Variants in CNN2 observed in about 807,000 individuals in gnomAD.
The protein encoded by CNN2 is calponin 2.
In CNN2, 21 loss-of-function variants were observed where a neutral mutation model predicts 31.0. The observed-to-expected ratio is 0.68, with a 90% CI of 0.48 to 0.98. The LOEUF (loss-of-function observed/expected upper bound fraction) is 0.98. Among genes scored for constraint, CNN2 ranks in the 50% least tolerant of loss-of-function variants. The pLI is 0.00. For missense variants in CNN2, 399 were observed against 427.3 expected (o/e 0.93, Z 0.58); for synonymous variants, 165 against 179.6 (o/e 0.92, Z 0.65).
intron 1 of CNN2, chr19:1,030,807 T>G: frequency 3.0e-6 from 1 of 328,820 alleles, no homozygotes; most frequent in Non-Finnish European, 5.8e-6. Flanking sequence ...CGGGAGTGGA[T>G]TAGAGCTGAT....
rs991600815 is a variant in CNN2 at position 1,036,171 on chromosome 19, C to G, written c.432C>G (p.Val144=). The change falls in exon 5 of 7, where the codon GTC becomes GTG. Residue 144 remains valine, a synonymous_variant. Transcript: ENST00000263097. ...TGCAGAGCGGGGTGGACATTGGCGT[C>G]AAGTACTCGGAGAAGCAGGAGCGGA... ...KGLQSGVDIG[V]KYSEKQERNF... The G allele has an allele frequency of 1.2e-6, 2 of 1,612,716 alleles. No individual in the cohort carries two copies. Among genetic ancestry groups the G allele is most frequent in the Middle Eastern group, 1.7e-4 (1 of 5,990 alleles).
chr19:1,036,083 C>T, intron 4 of CNN2, 47 bp from the exon 5 acceptor site: 1 of 1,545,010 alleles, frequency 6.5e-7, no homozygotes, highest in Non-Finnish European at 8.7e-7. Flanking sequence ...GATCTAGGGT[C>T]CCTGGCTGCC....
At chr19:1,030,490 G>C (rs2039470678) in intron 1 of CNN2, among the ~76,000 whole-genome samples, 1 of 152,128 alleles carries the variant, frequency 6.6e-6, no homozygotes, top group Admixed American at 6.5e-5. Context: ...GCTGGGCCTG[G>C]TGGCGGGCGC....
In CNN2 at chr19:1,038,763, G is replaced by A. The variant is rs1417458936; in HGVS notation, c.*863G>A. The A allele has an allele frequency of 6.6e-6, 1 of 152,278 alleles. No homozygotes were observed. The highest frequency in any genetic ancestry group is 1.5e-5 in the Non-Finnish European group (1 of 68,122). 9.4% of individuals were successfully genotyped at this position (152,278 alleles called of 1,614,324 possible). ...ATTTTTGTATTTTTAGTAGAGATGG[G>A]GTTTCCCCATGTTGGCCAGGCTGGT... On this transcript the variant is annotated 3_prime_UTR_variant, in exon 7 of 7. Transcript: ENST00000263097.
chr19:1,029,755 A>AG (rs2039457154), intron 1 of CNN2, among the ~76,000 whole-genome samples: 1 of 151,252 alleles, frequency 6.6e-6, no homozygotes, highest in Non-Finnish European at 1.5e-5. Context: ...GCTGGAGTGA[A>AG]GTGGCCCGAT....
rs62131196 is a variant in CNN2 at position 1,032,475 on chromosome 19, G to T, written c.252+17G>T. 0.13 allele frequency: 207,550 copies of T among 1,613,386 alleles called. 14,612 individuals are homozygous for T. Among genetic ancestry groups the T allele is most frequent in the Non-Finnish European group, 0.14 (170,285 of 1,179,840 alleles). On this transcript the variant is annotated intron_variant, in intron 3 of 6. Coordinates refer to ENST00000263097, the MANE Select transcript of CNN2 (RefSeq NM_004368.4). Reference sequence around the variant, plus strand: ...TGGCACCAGGTGAGGGGCTGGTGGAGCGGAGCAGGGATGGTGCTGGGGGCC... The same window carrying T: ...TGGCACCAGGTGAGGGGCTGGTGGATCGGAGCAGGGATGGTGCTGGGGGCC...
At chr19:1,028,767 C>T (rs1025867256) in intron 1 of CNN2, among the ~76,000 whole-genome samples, 2 of 152,102 alleles carry the variant, frequency 1.3e-5, no homozygotes, top group Non-Finnish European at 2.9e-5. Flanking sequence ...GCCCCTGAGC[C>T]GGCAGAGACG....
intron 5 of CNN2, 40 bp from the exon 6 acceptor site, chr19:1,036,376 G>A: frequency 6.2e-7 from 1 of 1,604,034 alleles, no homozygotes; most frequent in Non-Finnish European, 8.5e-7. Flanking sequence ...CCGGAAGCTT[G>A]TTGGGTGCAG....
In CNN2 at chr19:1,030,398, G is replaced by A. The variant is rs906550612; in HGVS notation, c.64-673G>A. Among the ~76,000 whole-genome samples the A allele has an allele frequency of 3.3e-5, 5 of 152,088 alleles. No individual in the cohort carries two copies. In the South Asian group the frequency reaches 6.2e-4, roughly 19 times the overall value. ...TCCCAGCACTTTGGAGGGCTGAGACGGGCAGATCACGAGGTCAGGAGATGG... is the reference window on the plus strand; with the variant it reads ...TCCCAGCACTTTGGAGGGCTGAGACAGGCAGATCACGAGGTCAGGAGATGG... On this transcript the variant is annotated intron_variant, in intron 1 of 6. Coordinates refer to ENST00000263097, the MANE Select transcript of CNN2 (RefSeq NM_004368.4).
At chr19:1,032,265 G>C (rs986323137) in intron 2 of CNN2, 127 bp from the exon 3 acceptor site, 6 of 1,060,078 alleles carry the variant, frequency 5.7e-6, no homozygotes, top group Non-Finnish European at 7.0e-6. Context: ...TGGAAACTGA[G>C]GCCCAGAGAG....
intron 1 of CNN2, among the ~76,000 whole-genome samples, chr19:1,029,809 C>T (rs1360528423): frequency 6.6e-6 from 1 of 151,830 alleles, no homozygotes. Flanking sequence ...AAGCGATTCT[C>T]CTGCCTCAGC....
chr19:1,026,790 G>A (rs1044497507), intron 1 of CNN2, 66 bp downstream of exon 1: 4 of 1,444,008 alleles, frequency 2.8e-6, no homozygotes, highest in South Asian at 1.3e-5. Context: ...CGGTGCAGGA[G>A]CCCCCAGGCG....
At chr19:1,032,532 C>T (rs1262370679) in intron 3 of CNN2, 27 bp from the exon 4 acceptor site, 2 of 1,613,456 alleles carry the variant, frequency 1.2e-6, no homozygotes, top group Admixed American at 3.3e-5. Context: ...GAGGCCCACT[C>T]ACTGTCCCTC....
intron 1 of CNN2, among the ~76,000 whole-genome samples, chr19:1,028,444 C>G (rs1319903078): frequency 1.3e-5 from 2 of 152,144 alleles, no homozygotes; most frequent in African/African-American, 4.8e-5. Flanking sequence ...CCCCTGGCTT[C>G]CCGCTCACAC....
intron 1 of CNN2, among the ~76,000 whole-genome samples, chr19:1,028,477 C>T (rs2039434440): frequency 1.3e-5 from 2 of 152,148 alleles, no homozygotes; most frequent in African/African-American, 4.8e-5. Flanking sequence ...CTGCTTGAAA[C>T]AGCCAGAGAC....
At chr19:1,031,620 A>ATTT (rs913733092) in intron 2 of CNN2, among the ~76,000 whole-genome samples, 3 of 137,180 alleles carry the variant, frequency 2.2e-5, no homozygotes, top group African/African-American at 7.9e-5. Context: ...TAAATAAATA[A>ATTT]TTTTTTTTTT....
In CNN2 at chr19:1,038,510, G is replaced by C. The variant is rs1031597283; in HGVS notation, c.*610G>C. The C allele has an allele frequency of 1.3e-5, 2 of 152,426 alleles. No homozygotes were observed. Among genetic ancestry groups the C allele is most frequent in the Non-Finnish European group, 2.9e-5 (2 of 68,056 alleles). The allele number at this position is 152,426 out of a possible 1,614,324, so 9.4% of individuals were successfully genotyped here. On this transcript the variant is annotated 3_prime_UTR_variant, in exon 7 of 7. Transcript: ENST00000263097. ...GTGGAGAAAGTGAGGGCCGTACAAG[G>C]AAGTGAAATTCTGAGTTGTTGGGGC...
intron 4 of CNN2, among the ~76,000 whole-genome samples, chr19:1,035,201 G>A (rs566898879): frequency 1.4e-4 from 21 of 144,894 alleles, no homozygotes; most frequent in African/African-American, 5.0e-4. Context: ...GGTGGGACAC[G>A]GTGTCTGGTG....
chr19:1,029,151 C>A (rs56020479), intron 1 of CNN2, among the ~76,000 whole-genome samples: 934 of 92,060 alleles, frequency 0.01, 3 homozygotes, highest in African/African-American at 0.02. Context: ...TAACCCAAAT[C>A]ATCCCAGGCA....
Sources: allele counts gnomAD v4.1 joint callset (sites outside exome capture counted in the v4.1 genomes callset), GRCh38; gene constraint gnomAD v4.1.1; transcripts MANE v1.5; gene names NCBI Gene and HGNC (gene_info 2026-07-23, HGNC 2026-07-21).